Variants in CLIP2 observed in about 807,000 individuals in gnomAD.
CLIP2 encodes CAP-Gly domain-containing linker protein 2.
CLIP2 carries 41 observed loss-of-function variants against 111.7 expected under a neutral mutation model. The ratio of observed to expected loss-of-function variants is 0.37; its 90% CI spans 0.29 to 0.48. The LOEUF is 0.48. CLIP2 is among the 20% of genes least tolerant of loss of function. CLIP2 has a pLI of 0.99. For synonymous variants in CLIP2, 660 were observed against 644.2 expected, an observed-to-expected ratio of 1.02 and a Z score of -0.37; for missense variants, 1,160 against 1,422.1, an observed-to-expected ratio of 0.82 and a Z score of 2.96.
intron 3 of CLIP2, among the ~76,000 whole-genome samples, chr7:74,348,041 G>A (rs916791204): frequency 9.2e-5 from 14 of 151,990 alleles, no homozygotes; most frequent in Non-Finnish European, 1.5e-4. Flanking sequence ...CTAGCTGGGC[G>A]TGGTGGCAGG....
intron 8 of CLIP2, among the ~76,000 whole-genome samples, chr7:74,370,392 G>C (rs578099): frequency 0.35 from 52,570 of 149,562 alleles, 10,580 homozygotes; most frequent in Middle Eastern, 0.48. Flanking sequence ...GGAAGCAGAG[G>C]TTGCAGTGAG....
At chr7:74,321,926 C>T (rs898272202) in intron 2 of CLIP2, among the ~76,000 whole-genome samples, 6 of 151,602 alleles carry the variant, frequency 4.0e-5, no homozygotes, top group African/African-American at 1.5e-4. Flanking sequence ...GTTAAGTGCC[C>T]CAGACAGGTG....
chr7:74,310,269 A>T (rs1484259245), intron 1 of CLIP2, among the ~76,000 whole-genome samples: 3 of 151,684 alleles, frequency 2.0e-5, no homozygotes, highest in African/African-American at 7.3e-5. Flanking sequence ...TCAATCCTGT[A>T]ATCTCAGCAC....
At chr7:74,293,505 G>A (rs1335531277) in intron 1 of CLIP2, among the ~76,000 whole-genome samples, 1 of 152,144 alleles carries the variant, frequency 6.6e-6, no homozygotes, top group Non-Finnish European at 1.5e-5. Context: ...ACACTGATTG[G>A]TCCAGCCTGG....
At chr7:74,400,074 C>T (rs1465088615) in intron 14 of CLIP2, among the ~76,000 whole-genome samples, 4 of 148,884 alleles carry the variant, frequency 2.7e-5, no homozygotes, top group Non-Finnish European at 1.5e-5. Flanking sequence ...GGCATGAACC[C>T]GGGAGGCGGA....
At chr7:74,375,508 A>C (rs942657300) in intron 9 of CLIP2, among the ~76,000 whole-genome samples, 2 of 131,046 alleles carry the variant, frequency 1.5e-5, no homozygotes, top group Non-Finnish European at 3.1e-5. Flanking sequence ...AGGTGAGATC[A>C]CGCCACTGCA....
At chr7:74,339,719 T>A (rs1554305033) in intron 3 of CLIP2, among the ~76,000 whole-genome samples, 1 of 152,142 alleles carries the variant, frequency 6.6e-6, no homozygotes, top group Non-Finnish European at 1.5e-5. Context: ...TTATTGATAT[T>A]ATCTATTGAT....
intron 12 of CLIP2, among the ~76,000 whole-genome samples, chr7:74,388,032 AC>A (rs1791167538): frequency 6.6e-6 from 1 of 152,138 alleles, no homozygotes; most frequent in Admixed American, 6.6e-5. Context: ...TATGAAACAT[AC>A]AAAAATTTGG....
At chr7:74,392,592 C>T (rs1231342971) in intron 13 of CLIP2, among the ~76,000 whole-genome samples, 1 of 151,722 alleles carries the variant, frequency 6.6e-6, no homozygotes. Flanking sequence ...TTTGGGAGGC[C>T]GAGGCAGGTA....
intron 1 of CLIP2, among the ~76,000 whole-genome samples, chr7:74,292,194 T>C (rs1227581605): frequency 2.0e-5 from 3 of 152,066 alleles, no homozygotes; most frequent in Non-Finnish European, 4.4e-5. Context: ...AGTGCTGGTA[T>C]TACAGGCGTG....
At chr7:74,295,143 T>C (rs552412101) in intron 1 of CLIP2, among the ~76,000 whole-genome samples, 1 of 152,112 alleles carries the variant, frequency 6.6e-6, no homozygotes, top group Non-Finnish European at 1.5e-5. Context: ...TTATATTTTT[T>C]TGTAGACAGG....
intron 9 of CLIP2, among the ~76,000 whole-genome samples, chr7:74,373,484 T>C (rs868911459): frequency 6.6e-6 from 1 of 151,660 alleles, no homozygotes; most frequent in Non-Finnish European, 1.5e-5. Flanking sequence ...GGTGACAGAG[T>C]GAGACTCCGC....
intron 14 of CLIP2, 79 bp downstream of exon 14, chr7:74,397,312 A>T (rs1052787923): frequency 7.0e-7 from 1 of 1,432,582 alleles, no homozygotes; most frequent in Admixed American, 1.9e-5. Flanking sequence ...CAGGCCATGG[A>T]GACTGGAGAC....
intron 15 of CLIP2, 95 bp downstream of exon 15, chr7:74,400,650 AC>A: frequency 7.9e-7 from 1 of 1,260,986 alleles, no homozygotes; most frequent in Non-Finnish European, 1.1e-6. Flanking sequence ...TGTCTTTAAA[AC>A]CCCAGTCTGA....
chr7:74,365,435 C>T (rs887656160), intron 8 of CLIP2, among the ~76,000 whole-genome samples: 23 of 152,190 alleles, frequency 1.5e-4, no homozygotes, highest in African/African-American at 5.3e-4. Flanking sequence ...TCAGGCTCCT[C>T]CTGTCTGTTT....
chr7:74,330,248 C>CTTTTTTTTTTT (rs10635770), intron 2 of CLIP2, among the ~76,000 whole-genome samples: 71 of 136,354 alleles, frequency 5.2e-4, no homozygotes, highest in Non-Finnish European at 8.3e-4. Flanking sequence ...TGTTTCTTTT[C>CTTTTTTTTTTT]TTTTTTTTTT....
chr7:74,340,108 T>C (rs1554305104), intron 3 of CLIP2, among the ~76,000 whole-genome samples: 1 of 146,898 alleles, frequency 6.8e-6, no homozygotes, highest in Non-Finnish European at 1.5e-5. Context: ...ATAATAATAA[T>C]AATAAGGCCA....
intron 10 of CLIP2, among the ~76,000 whole-genome samples, chr7:74,377,270 G>A (rs912025596): frequency 1.3e-5 from 2 of 152,204 alleles, no homozygotes; most frequent in Non-Finnish European, 2.9e-5. Flanking sequence ...GGGAATCAGC[G>A]GCAGCCCCCT....
At chr7:74,328,209 G>A (rs887089561) in intron 2 of CLIP2, among the ~76,000 whole-genome samples, 6 of 152,182 alleles carry the variant, frequency 3.9e-5, no homozygotes, top group East Asian at 1.9e-4. Flanking sequence ...ACAGGTTGGG[G>A]TGGACCCAAT....
Sources: gnomAD v4.1 joint callset for allele counts (sites outside exome capture counted in the v4.1 genomes callset) on GRCh38, gnomAD v4.1.1 for gene constraint, MANE v1.5 for transcripts, NCBI Gene and HGNC (gene_info 2026-07-23, HGNC 2026-07-21) for gene names.